Variants in VSTM4 observed in about 807,000 individuals in gnomAD.
The protein encoded by VSTM4 is V-set and transmembrane domain containing 4.
A neutral mutation model predicts 36.4 loss-of-function variants in VSTM4; 20 were observed. That is an observed-to-expected ratio of 0.55 (90% CI 0.39 to 0.80). The LOEUF is 0.80. Ranked by LOEUF, VSTM4 falls within the 30% of genes least tolerant of loss-of-function variation. The pLI is 0.00. For missense variants in VSTM4, 392 were observed against 404.5 expected (o/e 0.97, Z 0.26); for synonymous variants, 182 against 173.9 (o/e 1.05, Z -0.37).
At chr10:49,025,102 G>C (rs1285038543) in intron 7 of VSTM4, among the ~76,000 whole-genome samples, 1 of 152,070 alleles carries the variant, frequency 6.6e-6, no homozygotes, top group Non-Finnish European at 1.5e-5. Flanking sequence ...AGTTGAGAGA[G>C]AGAGGCCTTG....
chr10:49,103,202 C>T (rs1844699761), intron 2 of VSTM4: 1 of 152,262 alleles, frequency 6.6e-6, no homozygotes, highest in South Asian at 2.1e-4. Context: ...TGTCCAGTAA[C>T]AATAAGCAGG....
At chr10:49,076,125 A>G (rs1459578056) in intron 4 of VSTM4, among the ~76,000 whole-genome samples, 2 of 151,886 alleles carry the variant, frequency 1.3e-5, no homozygotes, top group African/African-American at 4.8e-5. Flanking sequence ...GCTTGCCCAC[A>G]CCCCTGCATT....
intron 5 of VSTM4, among the ~76,000 whole-genome samples, chr10:49,057,005 G>C (rs75823640): frequency 6.6e-6 from 1 of 151,878 alleles, no homozygotes; most frequent in African/African-American, 2.4e-5. Flanking sequence ...CCGGCGAGAG[G>C]GGGGCAAGAG....
intron 2 of VSTM4, among the ~76,000 whole-genome samples, chr10:49,089,182 G>A (rs150742368): frequency 1.5e-3 from 227 of 152,330 alleles, no homozygotes; most frequent in African/African-American, 5.2e-3. Context: ...CCATGTCAGA[G>A]TAGATGCAGG....
rs1347598728 is a variant in VSTM4, at chr10:49,017,666, C to T, written c.*1984G>A. The T allele has an allele frequency of 6.6e-6, 1 of 152,092 alleles. No homozygotes were observed. Among genetic ancestry groups the T allele is most frequent in the Non-Finnish European group, 1.5e-5 (1 of 68,044 alleles). 9.4% of individuals were successfully genotyped at this position (152,092 alleles called of 1,614,324 possible). A position where few individuals can be genotyped will look rare whatever the true frequency, so the allele number is the denominator to read the frequency against. On this transcript the variant is annotated 3_prime_UTR_variant, in exon 8 of 8. Transcript: ENST00000332853. ...CCTAAGGGGCCTGGGAAGATATTAC[C>T]CCCTGGCCTGTTGCCCTCTTCCCGC...
chr10:49,042,204 GC>G (rs753206989), intron 7 of VSTM4, among the ~76,000 whole-genome samples: 2 of 152,178 alleles, frequency 1.3e-5, no homozygotes, highest in Non-Finnish European at 2.9e-5. Context: ...GATTGTTTTA[GC>G]CTTTATGCTC....
intron 2 of VSTM4, among the ~76,000 whole-genome samples, chr10:49,105,213 CA>C (rs1844753452): frequency 8.5e-6 from 1 of 117,436 alleles, no homozygotes; most frequent in Admixed American, 8.9e-5. Flanking sequence ...GACAGAGAGA[CA>C]GAGAGAGAGA....
Position 49,064,730 on chromosome 10 carries a change from T to C in VSTM4, c.641A>G (p.His214Arg). Residue 214 changes from histidine to arginine, a missense_variant, in exon 5 of 8, where the codon CAT becomes CGT. His to Arg is a conservative substitution (Grantham distance 29). Transcript: ENST00000332853. ...VFNKRKSRVR[H>R]YLVKCPQNSS... ...GTTCTGAGGGCATTTCACCAAATAA[T>C]GTCTCACTGTGAAAGGAAAAATAAT... The C allele has an allele frequency of 2.5e-6, 4 of 1,612,870 alleles. No homozygotes were observed. The highest frequency in any genetic ancestry group is 3.4e-6 in the Non-Finnish European group (4 of 1,179,558).
At chr10:49,104,577 T>C (rs990542398) in intron 2 of VSTM4, among the ~76,000 whole-genome samples, 2 of 152,038 alleles carry the variant, frequency 1.3e-5, no homozygotes, top group South Asian at 4.1e-4. Context: ...GAAGCCTAAA[T>C]AGAATGTTCT....
At chr10:49,069,151 C>A (rs1216677549) in intron 4 of VSTM4, among the ~76,000 whole-genome samples, 1 of 152,194 alleles carries the variant, frequency 6.6e-6, no homozygotes, top group Non-Finnish European at 1.5e-5. Context: ...CCTATCACCA[C>A]TGCCACCCCA....
intron 7 of VSTM4, among the ~76,000 whole-genome samples, chr10:49,030,116 A>C (rs1304250289): frequency 6.6e-6 from 1 of 152,196 alleles, no homozygotes; most frequent in Non-Finnish European, 1.5e-5. Flanking sequence ...GGATAGGTGA[A>C]AATATGCAGC....
chr10:49,090,793 T>C (rs1037628323), intron 2 of VSTM4, among the ~76,000 whole-genome samples: 2 of 152,180 alleles, frequency 1.3e-5, no homozygotes, highest in African/African-American at 4.8e-5. Context: ...TGGGGGCAAA[T>C]GCTGTGGGGC....
At chr10:49,069,087 C>G (rs1844026257) in intron 4 of VSTM4, among the ~76,000 whole-genome samples, 2 of 152,140 alleles carry the variant, frequency 1.3e-5, no homozygotes, top group Non-Finnish European at 2.9e-5. Flanking sequence ...CATGGCAAAC[C>G]TCCCAGATGG....
intron 3 of VSTM4, among the ~76,000 whole-genome samples, chr10:49,080,142 G>T (rs1331001856): frequency 7.2e-5 from 11 of 152,200 alleles, no homozygotes; most frequent in Admixed American, 7.2e-4. Context: ...TTCACAATAT[G>T]TTCTCAAGAT....
chr10:49,019,552 G>A lies in VSTM4; in HGVS notation c.*98C>T. On this transcript the variant is annotated 3_prime_UTR_variant, in exon 8 of 8. Coordinates refer to ENST00000332853, the MANE Select transcript of VSTM4 (RefSeq NM_001031746.5). ...AAAAGGGGCTCCCCACCACTCAGAA[G>A]GCATGAGTGAAAATACAGACATAAG... The A allele has an allele frequency of 6.9e-7, 1 of 1,441,254 alleles. No individual in the cohort carries two copies. Among genetic ancestry groups the A allele is most frequent in the African/African-American group, 1.4e-5 (1 of 70,422 alleles). 89.3% of individuals were successfully genotyped at this position (1,441,254 alleles called of 1,614,324 possible).
At chr10:49,047,179 G>A (rs866329067) in intron 6 of VSTM4, 135 bp from the exon 7 acceptor site, 2 of 908,124 alleles carry the variant, frequency 2.2e-6, no homozygotes, top group Admixed American at 2.1e-5. Flanking sequence ...TTCTGATCTA[G>A]GTGTCAGCAA....
At chr10:49,047,100 C>T (rs2131958673) in intron 6 of VSTM4, 56 bp from the exon 7 acceptor site, 3 of 1,521,832 alleles carry the variant, frequency 2.0e-6, no homozygotes, top group South Asian at 2.2e-5. Flanking sequence ...ACTTAGTGGC[C>T]ACACATTATG....
intron 5 of VSTM4, among the ~76,000 whole-genome samples, chr10:49,054,123 GAAGGGGACATGGGACT>G (rs1262441556): frequency 2.6e-5 from 4 of 152,174 alleles, no homozygotes; most frequent in African/African-American, 4.8e-5. Flanking sequence ...CACCAGCTGA[GAAGGGGACATGGGACT>G]TGATCCATGT....
chr10:49,058,915 C>G (rs1843827862), intron 5 of VSTM4, among the ~76,000 whole-genome samples: 1 of 152,206 alleles, frequency 6.6e-6, no homozygotes, highest in South Asian at 2.1e-4. Flanking sequence ...TTGATCACAG[C>G]TTAAGACCCA....
Sources: gnomAD v4.1 joint callset for allele counts (sites outside exome capture counted in the v4.1 genomes callset) on GRCh38, gnomAD v4.1.1 for gene constraint, MANE v1.5 for transcripts, NCBI Gene and HGNC (gene_info 2026-07-23, HGNC 2026-07-21) for gene names.